USP6: variants seen among roughly 807,000 people sequenced by gnomAD.
USP6 encodes ubiquitin carboxyl-terminal hydrolase 6.
A neutral mutation model predicts 175.7 loss-of-function variants in USP6; 128 were observed. The ratio of observed to expected loss-of-function variants is 0.73; its 90% confidence interval spans 0.63 to 0.84. The LOEUF is 0.84. Among genes scored for constraint, USP6 ranks in the 40% least tolerant of loss-of-function variants. The pLI, the probability that USP6 is intolerant of heterozygous loss-of-function variation, is 0.00. For synonymous variants in USP6, 562 were observed against 630.6 expected, an observed-to-expected ratio of 0.89 and a Z score of 1.63; for missense variants, 1,498 against 1,760.3, an observed-to-expected ratio of 0.85 and a Z score of 2.67.
chr17:5,145,439 T>C lies in USP6; in HGVS notation c.2027T>C (p.Ile676Thr). ...WDNHLRRNRS[I>T]IVDLFHGQLR... ...AACCATCTAAGAAGAAATAGATCAA[T>C]TATTGTGGATTTGTTCCATGGGCAG... The change falls in exon 27 of 38, where the codon ATT (isoleucine) becomes ACT (threonine). Residue 676 changes from isoleucine (I) to threonine (T), a missense_variant. This residue lies in a region of USP6 where 1,217 missense variants were observed against 1,500.8 expected (regional missense o/e 0.81). Transcript: ENST00000574788. 1 of 1,611,574 alleles carries C rather than the reference T, an allele frequency of 6.2e-7. No individual in the cohort carries two copies. Among genetic ancestry groups the C allele is most frequent in the Non-Finnish European group, 8.5e-7 (1 of 1,178,972 alleles).
At chr17:5,151,649 C>T (rs1396277289) in intron 30 of USP6, among the ~76,000 whole-genome samples, 1 of 152,102 alleles carries the variant, frequency 6.6e-6, no homozygotes, top group Non-Finnish European at 1.5e-5. Context: ...CAAGAAAAGA[C>T]AAATAGACCA....
At position 5,152,679 on chromosome 17, in the gene USP6, A is replaced by G. The variant is rs140385628; in HGVS notation, c.2644-2743A>G. Among the ~76,000 whole-genome samples the G allele has an allele frequency of 7.5e-3, 1,150 of 152,324 alleles. 15 individuals are homozygous for G. The highest frequency in any genetic ancestry group is 0.026 in the African/African-American group (1,088 of 41,566). Reference sequence around the variant, plus strand: ...CAGTATAAATGAATCTCGTAAACCTAATGTTGATGGAAAGAAGCCAGACAA... The same window carrying G: ...CAGTATAAATGAATCTCGTAAACCTGATGTTGATGGAAAGAAGCCAGACAA... On this transcript the variant is annotated intron_variant, in intron 30 of 37. Coordinates refer to ENST00000574788, the MANE Select transcript of USP6 (RefSeq NM_001304284.2).
Position 5,162,931 on chromosome 17 carries a change from T to C in USP6, c.2963T>C (p.Ile988Thr), listed in dbSNP as rs771824597. ...KIDCGEDRAFIGNAYIAVDWH... is the reference protein window; with the variant it reads ...KIDCGEDRAFTGNAYIAVDWH... ...GATTGTGGGGAAGACAGAGCTTTCATTGGAAATGCCTATATTGCTGTGGAT... is the reference window on the plus strand; with the variant it reads ...GATTGTGGGGAAGACAGAGCTTTCACTGGAAATGCCTATATTGCTGTGGAT... The change falls in exon 33 of 38, where the codon ATT becomes ACT. Residue 988 changes from isoleucine to threonine, a missense_variant. This residue lies in a region of USP6 where 1,217 missense variants were observed against 1,500.8 expected (regional missense o/e 0.81). Transcript: ENST00000574788. 1.1e-5 allele frequency: 17 copies of C among 1,608,372 alleles called. No individual in the cohort carries two copies. Among genetic ancestry groups the C allele is most frequent in the Non-Finnish European group, 1.3e-5 (15 of 1,178,836 alleles).
intron 30 of USP6, among the ~76,000 whole-genome samples, chr17:5,149,172 G>A (rs960246317): frequency 2.6e-5 from 4 of 152,134 alleles, no homozygotes; most frequent in Admixed American, 6.6e-5. Flanking sequence ...GGAGGCTGAA[G>A]CAGGTGGATC....
In USP6 at chr17:5,116,338, C is replaced by G. The variant is rs1567762678; in HGVS notation, c.-2330C>G. On this transcript the variant is annotated 5_prime_UTR_variant, in exon 1 of 38. Transcript: ENST00000574788. ...CGGCGGCCCGCCTCACCACTCCCGG[C>G]TTCCCGGGGCTTAGGCCCGCACCAT... 1 of 152,932 alleles carries G rather than the reference C, an allele frequency of 6.5e-6. No homozygotes were observed. Among genetic ancestry groups the G allele is most frequent in the Non-Finnish European group, 1.5e-5 (1 of 68,654 alleles). The allele number at this position is 152,932 out of a possible 1,614,324, so 9.5% of individuals were successfully genotyped here.
intron 33 of USP6, among the ~76,000 whole-genome samples, chr17:5,166,394 G>A (rs2074096969): frequency 6.6e-6 from 1 of 152,176 alleles, no homozygotes; most frequent in South Asian, 2.1e-4. Context: ...CTCTCATGTA[G>A]GGAAAAAGTC....
intron 36 of USP6, among the ~76,000 whole-genome samples, chr17:5,171,298 C>T (rs1297473268): frequency 1.3e-5 from 2 of 151,928 alleles, no homozygotes; most frequent in East Asian, 1.9e-4. Context: ...TGTGATCACT[C>T]GACTGCACCC....
Position 5,148,477 on chromosome 17 carries a change from G to A in USP6, c.2432-79G>A, listed in dbSNP as rs373252523. 58 of 1,504,474 alleles carry A rather than the reference G, an allele frequency of 3.9e-5. 1 individual carries two copies. The highest frequency in any genetic ancestry group is 3.6e-4 in the African/African-American group (26 of 72,610). 93.2% of individuals were successfully genotyped at this position (1,504,474 alleles called of 1,614,324 possible). A position where few individuals can be genotyped will look rare whatever the true frequency, so the allele number is the denominator to read the frequency against. On this transcript the variant is annotated intron_variant, in intron 29 of 37. Coordinates refer to ENST00000574788, the MANE Select transcript of USP6 (RefSeq NM_001304284.2). Reference sequence around the variant, plus strand: ...GTGTTAAGAGACTACACTGTCTCTCGTCCTCAGGATACTTGAGAAAAGAGC... The same window carrying A: ...GTGTTAAGAGACTACACTGTCTCTCATCCTCAGGATACTTGAGAAAAGAGC...
Position 5,116,038 on chromosome 17 carries a change from C to A in USP6, c.-2630C>A, listed in dbSNP as rs972478721. On this transcript the variant is annotated 5_prime_UTR_variant, in exon 1 of 38. Coordinates refer to ENST00000574788, the MANE Select transcript of USP6 (RefSeq NM_001304284.2). ...CACGGAGGCCAGGCAGAGGGGACAG[C>A]TAGCGGCGCGGCGGGACGGGCGGGC... Among the ~76,000 whole-genome samples the A allele has an allele frequency of 2.6e-5, 4 of 152,226 alleles. No homozygotes were observed. The highest frequency in any genetic ancestry group is 7.2e-5 in the African/African-American group (3 of 41,468).
Position 5,173,065 on chromosome 17 carries a change from AAG to A in USP6, c.*88_*89del. Reference sequence around the variant, plus strand: ...CTTGGCAAAAGTGTCACTGAAAGACAAGCTAAATGTAGTTATTTTATCCTGTT... The same window carrying A: ...CTTGGCAAAAGTGTCACTGAAAGACACTAAATGTAGTTATTTTATCCTGTT... On this transcript the variant is annotated 3_prime_UTR_variant, in exon 38 of 38. Transcript: ENST00000574788. The A allele has an allele frequency of 6.7e-7, 1 of 1,489,780 alleles. No individual in the cohort carries two copies. The allele number at this position is 1,489,780 out of a possible 1,614,324, so 92.3% of individuals were successfully genotyped here. A position where few individuals can be genotyped will look rare whatever the true frequency, so the allele number is the denominator to read the frequency against.
At chr17:5,158,434 G>C (rs1307012925) in intron 31 of USP6, among the ~76,000 whole-genome samples, 1 of 152,060 alleles carries the variant, frequency 6.6e-6, no homozygotes, top group Non-Finnish European at 1.5e-5. Context: ...GGGCATGGTA[G>C]TATGTGCCTG....
At chr17:5,153,803 G>T (rs770119614) in intron 30 of USP6, among the ~76,000 whole-genome samples, 1 of 152,030 alleles carries the variant, frequency 6.6e-6, no homozygotes, top group African/African-American at 2.4e-5. Flanking sequence ...CTACAGGCGC[G>T]TGCCACCATG....
chr17:5,127,796 A>G (rs1431911887), intron 7 of USP6, among the ~76,000 whole-genome samples, 157 bp downstream of exon 7: 1 of 152,232 alleles, frequency 6.6e-6, no homozygotes, highest in African/African-American at 2.4e-5. Context: ...GACCATCTCT[A>G]GATTATTCAT....
rs1173981416 is a variant in USP6 at position 5,168,884 on chromosome 17, G to A, written c.3346G>A (p.Ala1116Thr). 1.9e-6 allele frequency: 3 copies of A among 1,613,854 alleles called. No homozygotes were observed. Among genetic ancestry groups the A allele is most frequent in the Non-Finnish European group, 2.5e-6 (3 of 1,179,838 alleles). ...PSAFLVPRDPALCQHKPLTPQ... is the reference protein window; with the variant it reads ...PSAFLVPRDPTLCQHKPLTPQ... Reference sequence around the variant, plus strand: ...TGCTTTTTTGGTACCACGAGACCCGGCCCTCTGCCAGCATAAACCACTCAC... The same window carrying A: ...TGCTTTTTTGGTACCACGAGACCCGACCCTCTGCCAGCATAAACCACTCAC... The change falls in exon 35 of 38, where the codon GCC becomes ACC. Residue 1116 changes from alanine to threonine, a missense_variant. Around this residue, in one of 2 missense-constraint regions of USP6, gnomAD observed 1,217 missense variants for 1,500.8 expected, o/e 0.81. Transcript: ENST00000574788.
rs1222618035 is a variant in USP6 at position 5,173,522 on chromosome 17, CCTTT to C, written c.*549_*552del. On this transcript the variant is annotated 3_prime_UTR_variant, in exon 38 of 38. Coordinates refer to ENST00000574788, the MANE Select transcript of USP6 (RefSeq NM_001304284.2). ...TTTATTTTTTAAACTGTTTCCATACCCTTTCTTTTTCTTGCTTTTTGTTTTTGCC... is the reference window on the plus strand; with the variant it reads ...TTTATTTTTTAAACTGTTTCCATACCCTTTTTCTTGCTTTTTGTTTTTGCC... The C allele has an allele frequency of 6.8e-5, 15 of 219,336 alleles. 1 individual carries two copies. The highest frequency in any genetic ancestry group is 3.7e-4 in the South Asian group (2 of 5,432). The allele number at this position is 219,336 out of a possible 1,614,324, so 13.6% of individuals were successfully genotyped here.
At position 5,132,986 on chromosome 17, in the gene USP6, G is replaced by A. The variant is rs76236903; in HGVS notation, c.272G>A (p.Ser91Asn). The A allele has an allele frequency of 1.9e-6, 3 of 1,614,110 alleles. No homozygotes were observed. The highest frequency in any genetic ancestry group is 2.5e-6 in the Non-Finnish European group (3 of 1,179,988). ...GAATGGGAGACATATAAGCACAGTA[G>A]CAAAGTAATGTGTGGAGGGAGAGGC... is the stretch of plus-strand genomic sequence containing the variant. ...LGEWETYKHSSKLIDRVYKGI... is the reference protein window; with the variant it reads ...LGEWETYKHSNKLIDRVYKGI... The change falls in exon 13 of 38, where the codon AGC (serine) becomes AAC (asparagine). Residue 91 changes from serine (S) to asparagine (N), a missense_variant. Physicochemically the swap from Ser to Asn is conservative, Grantham distance 46 (BLOSUM62 1). Around this residue, in one of 2 missense-constraint regions of USP6, gnomAD observed 281 missense variants for 259.6 expected, o/e 1.08. Transcript: ENST00000574788. The surrounding 1 kb of genome is among the most constrained non-coding windows in gnomAD (Gnocchi z 4.7).
rs1238780279 is a variant in USP6, at chr17:5,132,056, T to TCAG, written c.156-340_156-339insCAG. On this transcript the variant is annotated intron_variant, in intron 11 of 37. Transcript: ENST00000574788. The surrounding 1 kb of genome is among the most constrained non-coding windows in gnomAD (Gnocchi z 4.7). ...TCAGGGCCCGGTCGCCCATGCTGGG[T>TCAG]GGCCCCCATCCCATCTCAGGGCTAA... Among the ~76,000 whole-genome samples the TCAG allele has an allele frequency of 6.6e-6, 1 of 152,042 alleles. No homozygotes were observed. The highest frequency in any genetic ancestry group is 1.5e-5 in the Non-Finnish European group (1 of 67,968).
At chr17:5,152,054 C>G (rs1404546152) in intron 30 of USP6, among the ~76,000 whole-genome samples, 2 of 152,008 alleles carry the variant, frequency 1.3e-5, no homozygotes, top group Admixed American at 1.3e-4. Context: ...CCAGCCTGGC[C>G]AATATGGTGA....
At chr17:5,118,068 C>CAA (rs57176092) in intron 1 of USP6, 132 bp from the exon 2 acceptor site, 8,106 of 109,006 alleles carry the variant, frequency 0.074, 757 homozygotes, top group African/African-American at 0.24. Flanking sequence ...GACTCCGTCT[C>CAA]AAAAAAAAAA....
Sources: allele counts gnomAD v4.1 joint callset (sites outside exome capture counted in the v4.1 genomes callset), GRCh38; gene constraint gnomAD v4.1.1; regional missense constraint gnomAD v4.1.1; non-coding constraint Gnocchi (gnomAD v3.1); transcripts MANE v1.5; gene names NCBI Gene and HGNC (gene_info 2026-07-23, HGNC 2026-07-21).